RHOA: variants seen among roughly 807,000 people sequenced by gnomAD.
RHOA encodes transforming protein RhoA.
In RHOA, 3 loss-of-function variants were observed where a neutral mutation model predicts 17.5. The observed-to-expected ratio is 0.17, with a 90% CI of 0.08 to 0.44. The LOEUF (loss-of-function observed/expected upper bound fraction) is 0.44. RHOA is among the 20% of genes least tolerant of loss of function. The pLI is 0.99. For missense variants in RHOA, 56 were observed against 242.3 expected (o/e 0.23, Z 5.10); for synonymous variants, 98 against 88.4 (o/e 1.11, Z -0.61).
chr3:49,368,178 G>A (rs755400655), intron 3 of RHOA, among the ~76,000 whole-genome samples: 6 of 152,092 alleles, frequency 3.9e-5, no homozygotes, highest in Non-Finnish European at 7.4e-5. Flanking sequence ...CTCCCAAAGC[G>A]CAGGGATTAT....
At chr3:49,390,026 A>C (rs1255040176) in intron 1 of RHOA, among the ~76,000 whole-genome samples, 1 of 152,102 alleles carries the variant, frequency 6.6e-6, no homozygotes. Flanking sequence ...AGACAGAAGC[A>C]AATCAGTTTC....
In RHOA at chr3:49,393,595, CTTTT is replaced by C. The variant is rs34715210; in HGVS notation, c.-2-18008_-2-18005del. ...TTACAGGTGTAGGCCACTGCACTGG[CTTTT>C]TTTTTTTTTTTTTTTTTTAAGAGGC... On this transcript the variant is annotated intron_variant, in intron 1 of 4. Coordinates refer to ENST00000418115, the MANE Select transcript of RHOA (RefSeq NM_001664.4). Among the ~76,000 whole-genome samples the C allele has an allele frequency of 1.3e-3, 130 of 97,926 alleles. 3 individuals are homozygous for C. Among genetic ancestry groups the C allele is most frequent in the African/African-American group, 2.7e-3 (69 of 25,654 alleles). The allele number at this position is 97,926 out of a possible 152,430, so 64.2% of individuals were successfully genotyped here.
chr3:49,407,231 CGTTTTT>C (rs1171215724), intron 1 of RHOA, among the ~76,000 whole-genome samples: 1 of 115,428 alleles, frequency 8.7e-6, no homozygotes, highest in African/African-American at 3.0e-5. Flanking sequence ...AAATCCTTTC[CGTTTTT>C]TTTTTTTTTT....
chr3:49,407,399 A>C (rs1197213207), intron 1 of RHOA, among the ~76,000 whole-genome samples: 2 of 151,756 alleles, frequency 1.3e-5, no homozygotes, highest in Admixed American at 1.3e-4. Flanking sequence ...ACGCCCAGCT[A>C]ATGTTTTGTA....
chr3:49,398,990 G>A (rs1437929173), intron 1 of RHOA, among the ~76,000 whole-genome samples: 3 of 144,748 alleles, frequency 2.1e-5, no homozygotes, highest in Non-Finnish European at 1.5e-5. Context: ...GGGAGGCAGA[G>A]GTTGCAGTTA....
At chr3:49,369,126 C>T (rs924183932) in intron 2 of RHOA, among the ~76,000 whole-genome samples, 4 of 140,940 alleles carry the variant, frequency 2.8e-5, no homozygotes, top group Admixed American at 7.7e-5. Context: ...CGGGTTCATG[C>T]CATTCTCCTG....
Position 49,391,823 on chromosome 3 carries a change from CTT to C in RHOA, c.-2-16234_-2-16233del, listed in dbSNP as rs59591685. Among the ~76,000 whole-genome samples the C allele has an allele frequency of 7.6e-3, 757 of 99,662 alleles. 11 individuals carry two copies. Among genetic ancestry groups the C allele is most frequent in the African/African-American group, 0.025 (627 of 24,812 alleles). 65.4% of individuals were successfully genotyped at this position (99,662 alleles called of 152,430 possible). A position where few individuals can be genotyped will look rare whatever the true frequency, so the allele number is the denominator to read the frequency against. ...ACTGTGCCCGGCCTAATTAATTTAT[CTT>C]TTTTTTTTTTTTTTTTTTTTGAGAC... On this transcript the variant is annotated intron_variant, in intron 1 of 4. Transcript: ENST00000418115.
At chr3:49,364,694 A>G (rs1252263308) in intron 3 of RHOA, among the ~76,000 whole-genome samples, 1 of 151,938 alleles carries the variant, frequency 6.6e-6, no homozygotes, top group African/African-American at 2.4e-5. Flanking sequence ...ATAAAAATAA[A>G]TAGACCAGGT....
At chr3:49,408,267 CACGTATATACGTAT>C (rs2048872511) in intron 1 of RHOA, among the ~76,000 whole-genome samples, 1 of 52,904 alleles carries the variant, frequency 1.9e-5, no homozygotes, top group East Asian at 0.02. Flanking sequence ...TATACGTATA[CACGTATATACGTAT>C]ACACAAGTAT....
chr3:49,404,745 A>C (rs1290587153), intron 1 of RHOA, among the ~76,000 whole-genome samples: 1 of 149,464 alleles, frequency 6.7e-6, no homozygotes, highest in African/African-American at 2.5e-5. Flanking sequence ...CCTGGGCAAC[A>C]TGGTTAAACC....
At chr3:49,374,775 A>G (rs752765362) in intron 2 of RHOA, among the ~76,000 whole-genome samples, 1 of 152,134 alleles carries the variant, frequency 6.6e-6, no homozygotes, top group Non-Finnish European at 1.5e-5. Context: ...ACCATGTCAA[A>G]TACATATGAA....
chr3:49,375,302 G>T, intron 2 of RHOA, 132 bp downstream of exon 2: 1 of 793,970 alleles, frequency 1.3e-6, no homozygotes, highest in Non-Finnish European at 1.9e-6. Flanking sequence ...ATGGCAGGAT[G>T]AGAATGGATT....
In RHOA at chr3:49,402,651, G is replaced by C. The variant is rs2048744998; in HGVS notation, c.-3+9169C>G. On this transcript the variant is annotated intron_variant, in intron 1 of 4. Coordinates refer to ENST00000418115, the MANE Select transcript of RHOA (RefSeq NM_001664.4). ...ATAGCACCACTGCACTCCAGCCTGG[G>C]AAACAGATCAAGACTCTGTCTCAAA... is the stretch of plus-strand genomic sequence containing the variant. Among the ~76,000 whole-genome samples, 2 of 151,938 alleles carry C rather than the reference G, an allele frequency of 1.3e-5. 1 individual carries two copies.
intron 1 of RHOA, among the ~76,000 whole-genome samples, chr3:49,391,375 G>A (rs1026056349): frequency 6.8e-6 from 1 of 147,952 alleles, no homozygotes; most frequent in East Asian, 1.9e-4. Context: ...TTGAGCGACA[G>A]AGTGAGAATC....
intron 1 of RHOA, among the ~76,000 whole-genome samples, chr3:49,400,167 G>C (rs111533129): frequency 0.11 from 15,892 of 148,832 alleles, 1,231 homozygotes; most frequent in South Asian, 0.15. Context: ...AGCCGAGACC[G>C]CGCCACTGCA....
intron 1 of RHOA, 139 bp from the exon 2 acceptor site, chr3:49,375,730 C>G: frequency 1.3e-6 from 1 of 775,046 alleles, no homozygotes; most frequent in South Asian, 2.0e-5. Context: ...CGCCGATCCA[C>G]CTGGCACCAA....
intron 1 of RHOA, among the ~76,000 whole-genome samples, chr3:49,409,973 G>A (rs1348419022): frequency 6.6e-6 from 1 of 152,116 alleles, no homozygotes; most frequent in Non-Finnish European, 1.5e-5. Context: ...TCCAAACAAA[G>A]CCATGATTAG....
chr3:49,390,292 G>C (rs915082139), intron 1 of RHOA, among the ~76,000 whole-genome samples: 17 of 152,112 alleles, frequency 1.1e-4, no homozygotes, highest in African/African-American at 4.1e-4. Flanking sequence ...CCGCCACCAC[G>C]CCCAGCTAAT....
intron 1 of RHOA, among the ~76,000 whole-genome samples, chr3:49,380,935 T>TGC (rs1489749379): frequency 1.4e-5 from 1 of 70,142 alleles, no homozygotes; most frequent in African/African-American, 4.2e-5. Context: ...TGAATACGTG[T>TGC]GTGTGTATAT....
Sources: allele counts gnomAD v4.1 joint callset (sites outside exome capture counted in the v4.1 genomes callset), GRCh38; gene constraint gnomAD v4.1.1; transcripts MANE v1.5; gene names NCBI Gene and HGNC (gene_info 2026-07-23, HGNC 2026-07-21).